BCAS3: variants seen among roughly 807,000 people sequenced by gnomAD.
BCAS3 encodes BCAS4/BCAS3 fusion.
In BCAS3, 53 loss-of-function variants were observed where a neutral mutation model predicts 116.1. The ratio of observed to expected loss-of-function variants is 0.46; its 90% CI spans 0.37 to 0.57. The LOEUF (loss-of-function observed/expected upper bound fraction) is 0.57, where lower values mean the gene tolerates loss of function less well. BCAS3 is among the 20% of genes least tolerant of loss of function. The pLI is 0.00. For missense variants in BCAS3, 917 were observed against 1,165.4 expected (o/e 0.79, Z 3.10); for synonymous variants, 391 against 408.2 (o/e 0.96, Z 0.51).
rs2058066168 is a variant in BCAS3, at chr17:61,354,990, C to T, written c.2426-13337C>T. On this transcript the variant is annotated intron_variant, in intron 22 of 23. Coordinates refer to ENST00000407086, the MANE Select transcript of BCAS3 (RefSeq NM_017679.5). The surrounding 1 kb of genome is among the most constrained non-coding windows in gnomAD (Gnocchi z 4.5). ...TTAGAGGAACAAATAGCCCCTGGCTCCAGATCAGAGCCAGTGTGCCCACCC... is the reference window on the plus strand; with the variant it reads ...TTAGAGGAACAAATAGCCCCTGGCTTCAGATCAGAGCCAGTGTGCCCACCC... The T allele has an allele frequency of 6.6e-6, 1 of 152,206 alleles. No individual in the cohort carries two copies. Among genetic ancestry groups the T allele is most frequent in the South Asian group, 2.1e-4 (1 of 4,826 alleles). 9.4% of individuals were successfully genotyped at this position (152,206 alleles called of 1,614,324 possible).
intron 4 of BCAS3, among the ~76,000 whole-genome samples, chr17:60,703,497 G>A (rs1217890021): frequency 2.0e-5 from 3 of 152,000 alleles, no homozygotes; most frequent in African/African-American, 7.3e-5. Flanking sequence ...GGGAGGCAGA[G>A]GTTGCAGTGA....
rs150266036 is a variant in BCAS3 at position 61,252,024 on chromosome 17, A to T, written c.2426-116303A>T. 2.1e-4 allele frequency among the ~76,000 whole-genome samples: 32 copies of T among 152,382 alleles called. No individual in the cohort carries two copies. The East Asian group carries it at 6.2e-3, about 29-fold the overall frequency. ...AAATAGCTGAGATCACTCAACAGTTATCAAGAAACAGATACTACAGTTTTA... is the reference window on the plus strand; with the variant it reads ...AAATAGCTGAGATCACTCAACAGTTTTCAAGAAACAGATACTACAGTTTTA... On this transcript the variant is annotated intron_variant, in intron 22 of 23. Transcript: ENST00000407086.
chr17:61,154,009 A>G (rs375256609), intron 22 of BCAS3, among the ~76,000 whole-genome samples: 1 of 152,218 alleles, frequency 6.6e-6, no homozygotes, highest in African/African-American at 2.4e-5. Flanking sequence ...GAGGATGGAG[A>G]AAACAACAAT....
intron 18 of BCAS3, among the ~76,000 whole-genome samples, chr17:61,040,241 T>C (rs892163636): frequency 2.0e-5 from 3 of 152,238 alleles, no homozygotes; most frequent in African/African-American, 4.8e-5. Flanking sequence ...TGGATTGATC[T>C]GATCAATATC....
At chr17:60,901,923 G>A (rs1195586304) in intron 10 of BCAS3, among the ~76,000 whole-genome samples, 2 of 152,180 alleles carry the variant, frequency 1.3e-5, no homozygotes, top group Non-Finnish European at 2.9e-5. Context: ...AGGAAGTAGA[G>A]GACCAGTGGA....
intron 22 of BCAS3, among the ~76,000 whole-genome samples, chr17:61,154,550 C>G (rs2144023511): frequency 6.6e-6 from 1 of 152,068 alleles, no homozygotes; most frequent in South Asian, 2.1e-4. Context: ...GTTCTCCCAA[C>G]TCAGCCACCC....
In BCAS3 at chr17:61,235,154, T is replaced by C. The variant is rs1210607942; in HGVS notation, c.2426-133173T>C. Among the ~76,000 whole-genome samples, 1 of 152,184 alleles carries C rather than the reference T, an allele frequency of 6.6e-6. No individual in the cohort carries two copies. The highest frequency in any genetic ancestry group is 1.9e-4 in the East Asian group (1 of 5,184). ...CGCCCACTTCGGTCTTCCAAAGTGC[T>C]GGGATTATAGGCGTGAACCACCACG... On this transcript the variant is annotated intron_variant, in intron 22 of 23. Coordinates refer to ENST00000407086, the MANE Select transcript of BCAS3 (RefSeq NM_017679.5). This position sits in a 1 kb window ranked among gnomAD's most constrained non-coding sequence, Gnocchi z 5.0.
intron 16 of BCAS3, among the ~76,000 whole-genome samples, chr17:61,018,710 C>T (rs746544681): frequency 3.9e-5 from 6 of 152,190 alleles, no homozygotes; most frequent in Non-Finnish European, 8.8e-5. Flanking sequence ...TGCATATACA[C>T]TAACATGTTA....
Position 61,095,495 on chromosome 17 carries a change from C to T in BCAS3, c.2425+10931C>T, listed in dbSNP as rs530328892. ...TCGTTTGTTTGTTTTTTTGAGACAACCTCACTTTGTCATCCAGGTTGGAGT... is the reference window on the plus strand; with the variant it reads ...TCGTTTGTTTGTTTTTTTGAGACAATCTCACTTTGTCATCCAGGTTGGAGT... On this transcript the variant is annotated intron_variant, in intron 22 of 23. Coordinates refer to ENST00000407086, the MANE Select transcript of BCAS3 (RefSeq NM_017679.5). This position sits in a 1 kb window ranked among gnomAD's most constrained non-coding sequence, Gnocchi z 4.7. Among the ~76,000 whole-genome samples, 20 of 151,792 alleles carry T rather than the reference C, an allele frequency of 1.3e-4. No individual in the cohort carries two copies. The highest frequency in any genetic ancestry group is 4.3e-4 in the African/African-American group (18 of 41,430).
At chr17:60,872,991 A>G (rs1171540027) in intron 8 of BCAS3, among the ~76,000 whole-genome samples, 1 of 152,100 alleles carries the variant, frequency 6.6e-6, no homozygotes, top group Non-Finnish European at 1.5e-5. Flanking sequence ...AGATATGGAA[A>G]TGCCTTTTCT....
intron 13 of BCAS3, among the ~76,000 whole-genome samples, chr17:60,932,568 C>T (rs939201584): frequency 1.3e-5 from 2 of 151,318 alleles, no homozygotes; most frequent in Non-Finnish European, 2.9e-5. Context: ...GGTGAAACCC[C>T]GTCTCTACTA....
chr17:61,118,434 A>G lies in BCAS3; in HGVS notation c.2425+33870A>G, dbSNP rs2075604694. Among the ~76,000 whole-genome samples the G allele has an allele frequency of 6.6e-6, 1 of 151,852 alleles. No individual in the cohort carries two copies. Among genetic ancestry groups the G allele is most frequent in the African/African-American group, 2.4e-5 (1 of 41,290 alleles). ...CTGCCAAGCAGGGGTGAAAATCCAG[A>G]CTCCCCATTTGTCCTGCACCAAAAC... On this transcript the variant is annotated intron_variant, in intron 22 of 23. Coordinates refer to ENST00000407086, the MANE Select transcript of BCAS3 (RefSeq NM_017679.5). This position sits in a 1 kb window ranked among gnomAD's most constrained non-coding sequence, Gnocchi z 5.0.
At position 61,379,239 on chromosome 17, in the gene BCAS3, G is replaced by A; in HGVS notation, c.2593+10745G>A. ...ACCTTTCTGTGAGGCGTGAGATTCTGAACAAAGTTGAACGCGGTCATGGAT... is the reference window on the plus strand; with the variant it reads ...ACCTTTCTGTGAGGCGTGAGATTCTAAACAAAGTTGAACGCGGTCATGGAT... On this transcript the variant is annotated intron_variant, in intron 23 of 23. Coordinates refer to ENST00000407086, the MANE Select transcript of BCAS3 (RefSeq NM_017679.5). The surrounding 1 kb of genome is among the most constrained non-coding windows in gnomAD (Gnocchi z 5.5). The A allele has an allele frequency of 6.6e-6, 1 of 152,270 alleles. No homozygotes were observed. The highest frequency in any genetic ancestry group is 1.9e-4 in the East Asian group (1 of 5,188). 9.4% of individuals were successfully genotyped at this position (152,270 alleles called of 1,614,324 possible).
intron 7 of BCAS3, among the ~76,000 whole-genome samples, chr17:60,820,421 G>C (rs2049854986): frequency 6.6e-6 from 1 of 152,232 alleles, no homozygotes; most frequent in East Asian, 1.9e-4. Context: ...GGATTCTGAA[G>C]GTCCAGAGAG....
In BCAS3 at chr17:61,281,769, C is replaced by T. The variant is rs544118500; in HGVS notation, c.2426-86558C>T. On this transcript the variant is annotated intron_variant, in intron 22 of 23. Transcript: ENST00000407086. This position sits in a 1 kb window ranked among gnomAD's most constrained non-coding sequence, Gnocchi z 4.2. Reference sequence around the variant, plus strand: ...TTTTCCAAGTTTGTCAGTATCTTTGCCATACAAATTTTAAATTTTATGTGT... The same window carrying T: ...TTTTCCAAGTTTGTCAGTATCTTTGTCATACAAATTTTAAATTTTATGTGT... Among the ~76,000 whole-genome samples, 2 of 151,940 alleles carry T rather than the reference C, an allele frequency of 1.3e-5. No individual in the cohort carries two copies. Among genetic ancestry groups the T allele is most frequent in the Non-Finnish European group, 2.9e-5 (2 of 68,002 alleles).
At position 61,392,179 on chromosome 17, in the gene BCAS3, A is replaced by G. The variant is rs895998542; in HGVS notation, c.*54A>G. 1.3e-6 allele frequency: 2 copies of G among 1,578,608 alleles called. No homozygotes were observed. The highest frequency in any genetic ancestry group is 2.7e-5 in the African/African-American group (2 of 73,830). On this transcript the variant is annotated 3_prime_UTR_variant, in exon 24 of 24. Transcript: ENST00000407086. This position sits in a 1 kb window ranked among gnomAD's most constrained non-coding sequence, Gnocchi z 6.4. ...GCCCCCTCCCCTGCTGGAGGAGGGGAGAAGCCCCGCTCTGGTCCTACCCTT... is the reference window on the plus strand; with the variant it reads ...GCCCCCTCCCCTGCTGGAGGAGGGGGGAAGCCCCGCTCTGGTCCTACCCTT...
At chr17:61,269,132 G>A (rs574092419) in intron 22 of BCAS3, among the ~76,000 whole-genome samples, 1 of 107,248 alleles carries the variant, frequency 9.3e-6, no homozygotes, top group African/African-American at 3.6e-5. Flanking sequence ...TTTTTTTTTT[G>A]AAATGGAGTT....
rs746994342 is a variant in BCAS3 at position 60,855,480 on chromosome 17, A to C, written c.477-13096A>C. Among the ~76,000 whole-genome samples, 157 of 131,968 alleles carry C rather than the reference A, an allele frequency of 1.2e-3. 1 individual carries two copies. In the Middle Eastern group the frequency reaches 0.016, roughly 13 times the overall value. The allele number at this position is 131,968 out of a possible 152,430, so 86.6% of individuals were successfully genotyped here. A position where few individuals can be genotyped will look rare whatever the true frequency, so the allele number is the denominator to read the frequency against. On this transcript the variant is annotated intron_variant, in intron 7 of 23. Transcript: ENST00000407086. ...TTTTTTTTTTTTTTTTTTGAGGCAGAGTCTTGCTCTGTCGCCCAGGCTGGA... is the reference window on the plus strand; with the variant it reads ...TTTTTTTTTTTTTTTTTTGAGGCAGCGTCTTGCTCTGTCGCCCAGGCTGGA...
At chr17:60,752,264 TA>T (rs1353148901) in intron 6 of BCAS3, among the ~76,000 whole-genome samples, 1 of 152,086 alleles carries the variant, frequency 6.6e-6, no homozygotes, top group Non-Finnish European at 1.5e-5. Flanking sequence ...TTATTATTGC[TA>T]AAAATTATGT....
Sources: allele counts gnomAD v4.1 joint callset (sites outside exome capture counted in the v4.1 genomes callset), GRCh38; gene constraint gnomAD v4.1.1; non-coding constraint Gnocchi (gnomAD v3.1); transcripts MANE v1.5; gene names NCBI Gene and HGNC (gene_info 2026-07-23, HGNC 2026-07-21).